Variants in LMO7 observed in about 807,000 individuals in gnomAD.
LMO7 encodes LIM domain 7.
LMO7 carries 120 observed loss-of-function variants against 206.5 expected under a neutral mutation model. The ratio of observed to expected loss-of-function variants is 0.58; its 90% confidence interval spans 0.50 to 0.68. The LOEUF (loss-of-function observed/expected upper bound fraction) is 0.68. Among genes scored for constraint, LMO7 ranks in the 30% least tolerant of loss-of-function variants. LMO7 has a pLI of 0.00. For missense variants in LMO7, 1,959 were observed against 1,957.9 expected (o/e 1.00, Z -0.01); for synonymous variants, 706 against 681.5 (o/e 1.04, Z -0.56).
At position 75,856,635 on chromosome 13, in the gene LMO7, T is replaced by G. The variant is rs751806147; in HGVS notation, c.4873+27T>G. 69 of 1,475,700 alleles carry G rather than the reference T, an allele frequency of 4.7e-5. No individual in the cohort carries two copies. In the Middle Eastern group the frequency reaches 1.2e-3, roughly 26 times the overall value. The allele number at this position is 1,475,700 out of a possible 1,614,324, so 91.4% of individuals were successfully genotyped here. A position where few individuals can be genotyped will look rare whatever the true frequency, so the allele number is the denominator to read the frequency against. ...TAAGAGAGCAAATCAGAGAGAAAATTTCTTGCCTTTTAAGGAGGCCACGGG... is the reference window on the plus strand; with the variant it reads ...TAAGAGAGCAAATCAGAGAGAAAATGTCTTGCCTTTTAAGGAGGCCACGGG... On this transcript the variant is annotated intron_variant, in intron 30 of 30. Transcript: ENST00000377534.
At chr13:75,634,237 G>A (rs2035433061), upstream of LMO7, among the ~76,000 whole-genome samples, 1 of 151,606 alleles carries the variant, frequency 6.6e-6, no homozygotes, top group African/African-American at 2.4e-5. Context: ...CAGAGTTTGA[G>A]ACCATCCTGG....
chr13:75,809,672 A>G (rs2056046883), intron 11 of LMO7, among the ~76,000 whole-genome samples: 2 of 152,290 alleles, frequency 1.3e-5, no homozygotes, highest in South Asian at 4.1e-4. Context: ...GTAGGGATGC[A>G]TTAAACTTCC....
Position 75,800,847 on chromosome 13 carries a change from G to T in LMO7, c.626G>T (p.Cys209Phe), listed in dbSNP as rs1485856656. 6.2e-7 allele frequency: 1 copy of T among 1,613,792 alleles called. No homozygotes were observed. The highest frequency in any genetic ancestry group is 1.3e-5 in the African/African-American group (1 of 74,874). Residue 209 changes from cysteine to phenylalanine, a missense_variant, in exon 7 of 31, where the codon TGC becomes TTC. Transcript: ENST00000377534. ...DSLGSRSLTS[C>F]SSDITLRGGR... ...TTGGGCTCGAGGTCATTGACAAGCT[G>T]CTCCTCTGATATCACGTTGAGAGGG...
exon 1 of LMO7, chr13:75,621,046 AT>A (rs1267907275): frequency 6.6e-6 from 1 of 152,190 alleles, no homozygotes; most frequent in Non-Finnish European, 1.5e-5. Context: ...TCTTAGGCAA[AT>A]TAATACCTTA....
In LMO7 at chr13:75,849,500, C is replaced by CTT. The variant is rs68011303; in HGVS notation, c.4364+217_4364+218dup. 7.3e-3 allele frequency among the ~76,000 whole-genome samples: 990 copies of CTT among 136,448 alleles called. 12 individuals carry two copies. Among genetic ancestry groups the CTT allele is most frequent in the African/African-American group, 0.025 (917 of 37,226 alleles). 89.5% of individuals were successfully genotyped at this position (136,448 alleles called of 152,430 possible). On this transcript the variant is annotated intron_variant, in intron 27 of 30. Transcript: ENST00000377534. ...ATAATTCTGGCTGTTTTTTTTTTTT[C>CTT]TTTTTTTTTTACTATGAGGGAACTT...
upstream of LMO7, among the ~76,000 whole-genome samples, chr13:75,634,146 TA>T (rs919002547): frequency 6.6e-6 from 1 of 152,050 alleles, no homozygotes; most frequent in Non-Finnish European, 1.5e-5. Context: ...TTGTACCATT[TA>T]GGGGTGAAAT....
At chr13:75,847,163 G>A (rs1200777411) in intron 26 of LMO7, among the ~76,000 whole-genome samples, 1 of 152,088 alleles carries the variant, frequency 6.6e-6, no homozygotes, top group Non-Finnish European at 1.5e-5. Flanking sequence ...GATGAACCAA[G>A]GCATAGACAA....
chr13:75,738,377 A>C (rs1335398903), intron 3 of LMO7, among the ~76,000 whole-genome samples: 1 of 152,238 alleles, frequency 6.6e-6, no homozygotes, highest in East Asian at 1.9e-4. Context: ...TCCCTTGAGC[A>C]ATGGCAATAC....
intron 1 of LMO7, among the ~76,000 whole-genome samples, chr13:75,663,432 CT>C (rs1178254643): frequency 2.2e-4 from 24 of 111,394 alleles, no homozygotes; most frequent in Admixed American, 8.5e-4. Flanking sequence ...TTCTTTCTTT[CT>C]TTTTTTTTTT....
At chr13:75,688,783 C>A (rs947648767) in intron 1 of LMO7, 1 of 152,008 alleles carries the variant, frequency 6.6e-6, no homozygotes. Flanking sequence ...CTCTCAAAGG[C>A]CTGACTTACT....
intron 3 of LMO7, among the ~76,000 whole-genome samples, chr13:75,739,325 G>A (rs1007485709): frequency 1.3e-5 from 2 of 152,206 alleles, no homozygotes; most frequent in African/African-American, 4.8e-5. Flanking sequence ...ATTCACATTT[G>A]TGTAAAAAAT....
intron 2 of LMO7, chr13:75,627,172 A>G (rs1464674540): frequency 1.3e-5 from 2 of 152,188 alleles, no homozygotes; most frequent in Non-Finnish European, 2.9e-5. Flanking sequence ...ATGATGCAAA[A>G]GAGATGCACA....
chr13:75,828,512 A>G (rs2058342220), intron 15 of LMO7, among the ~76,000 whole-genome samples: 1 of 152,232 alleles, frequency 6.6e-6, no homozygotes, highest in African/African-American at 2.4e-5. Flanking sequence ...CTTTTGGTCC[A>G]TAAAGATAAA....
chr13:75,848,537 T>C (rs540689079), intron 26 of LMO7, among the ~76,000 whole-genome samples: 14 of 152,316 alleles, frequency 9.2e-5, no homozygotes, highest in African/African-American at 3.4e-4. Context: ...CATTTTTGCA[T>C]TGCGAATTGT....
At chr13:75,652,003 G>A (rs10507833) in intron 1 of LMO7, among the ~76,000 whole-genome samples, 28,429 of 152,092 alleles carry the variant, frequency 0.19, 3,464 homozygotes, top group Admixed American at 0.34. Flanking sequence ...CATCTATTAC[G>A]AAGGAAGAAG....
intron 4 of LMO7, among the ~76,000 whole-genome samples, chr13:75,776,641 A>T (rs139257995): frequency 1.3e-5 from 2 of 152,222 alleles, no homozygotes; most frequent in African/African-American, 4.8e-5. Context: ...AGTGTAAAAA[A>T]GTTATTAGCC....
At chr13:75,754,656 A>G (rs1252772050) in intron 3 of LMO7, among the ~76,000 whole-genome samples, 1 of 152,226 alleles carries the variant, frequency 6.6e-6, no homozygotes, top group African/African-American at 2.4e-5. Flanking sequence ...TTAAATAGGA[A>G]TGATGAATTC....
chr13:75,631,674 T>C (rs1593894123), upstream of LMO7: 1 of 152,414 alleles, frequency 6.6e-6, no homozygotes, highest in East Asian at 1.9e-4. Flanking sequence ...TCTTAAGTCA[T>C]TCACTGACCA....
At chr13:75,633,879 C>T (rs1456957846), upstream of LMO7, among the ~76,000 whole-genome samples, 9 of 122,332 alleles carry the variant, frequency 7.4e-5, no homozygotes, top group South Asian at 1.1e-3. Flanking sequence ...GACGGAGTCT[C>T]GCTCTGTCCC....
Sources: allele counts gnomAD v4.1 joint callset (sites outside exome capture counted in the v4.1 genomes callset), GRCh38; gene constraint gnomAD v4.1.1; transcripts MANE v1.5; gene names NCBI Gene and HGNC (gene_info 2026-07-23, HGNC 2026-07-21).